PKNOX1: variants seen among roughly 807,000 people sequenced by gnomAD.
PKNOX1 encodes PBX/knotted 1 homeobox 1.
In PKNOX1, 15 loss-of-function variants were observed where a neutral mutation model predicts 51.9. The ratio of observed to expected loss-of-function variants is 0.29; its 90% CI spans 0.19 to 0.45. The LOEUF (loss-of-function observed/expected upper bound fraction) is 0.45, where lower values mean the gene tolerates loss of function less well. PKNOX1 is among the 20% of genes least tolerant of loss of function. The probability of loss-of-function intolerance (pLI) is 1.00; values close to 1 mark genes in which losing one functional copy is unlikely to be tolerated. For synonymous variants in PKNOX1, 219 were observed against 211.1 expected (o/e 1.04, Z -0.32); for missense variants, 462 against 547.5 (o/e 0.84, Z 1.56).
At chr21:42,987,409 A>ATATATATATCTATATATC (rs2059059426) in intron 1 of PKNOX1, among the ~76,000 whole-genome samples, 5 of 113,278 alleles carry the variant, frequency 4.4e-5, no homozygotes. Context: ...AAAAAAATAT[A>ATATATATATCTATATATC]TATATATATA....
intron 10 of PKNOX1, 51 bp downstream of exon 10, chr21:43,028,925 A>C (rs1331336685): frequency 6.3e-7 from 1 of 1,580,096 alleles, no homozygotes; most frequent in South Asian, 1.1e-5. Context: ...GGTGGGGATT[A>C]TGAACAAGAG....
chr21:42,976,021 G>C (rs1268309503), intron 1 of PKNOX1, among the ~76,000 whole-genome samples: 1 of 152,188 alleles, frequency 6.6e-6, no homozygotes, highest in Non-Finnish European at 1.5e-5. Flanking sequence ...ATGGCAGGCT[G>C]ACCCCAATGA....
intron 8 of PKNOX1, chr21:43,024,641 G>C (rs549707620): frequency 2.0e-6 from 1 of 491,432 alleles, no homozygotes; most frequent in Admixed American, 3.7e-5. Context: ...CGTTAAACGT[G>C]GGGGGCGGTC....
At chr21:43,014,582 C>G (rs951469100) in intron 5 of PKNOX1, among the ~76,000 whole-genome samples, 17 of 152,232 alleles carry the variant, frequency 1.1e-4, no homozygotes, top group Middle Eastern at 3.4e-3. Context: ...TTTGCCTAAC[C>G]CTAGGTCCCA....
chr21:42,995,567 A>T (rs1978464013), intron 1 of PKNOX1, among the ~76,000 whole-genome samples: 1 of 130,954 alleles, frequency 7.6e-6, no homozygotes, highest in Admixed American at 7.7e-5. Flanking sequence ...AGTTCTAGCT[A>T]CTCAAGAGAC....
chr21:42,986,731 AT>A (rs1458264281), intron 1 of PKNOX1, among the ~76,000 whole-genome samples: 2 of 152,122 alleles, frequency 1.3e-5, no homozygotes, highest in African/African-American at 4.8e-5. Flanking sequence ...TGGAGAAGGT[AT>A]TTTGGGAGGA....
At chr21:43,010,004 C>T (rs1368781337) in intron 3 of PKNOX1, 49 bp from the exon 4 acceptor site, 2 of 1,247,880 alleles carry the variant, frequency 1.6e-6, no homozygotes, top group African/African-American at 3.0e-5. Context: ...AAGACATTCT[C>T]ACGGAGATGT....
intron 1 of PKNOX1, among the ~76,000 whole-genome samples, chr21:42,982,897 C>A (rs1396041019): frequency 3.3e-5 from 5 of 152,010 alleles, no homozygotes. Context: ...GCAACCTCTG[C>A]CTCCCGGGTT....
At chr21:43,000,230 C>T (rs1978691237) in intron 1 of PKNOX1, among the ~76,000 whole-genome samples, 1 of 152,160 alleles carries the variant, frequency 6.6e-6, no homozygotes, top group African/African-American at 2.4e-5. Context: ...TTTTGGGTAT[C>T]TTTTCAGCAA....
At chr21:42,997,263 A>G (rs1978546672) in intron 1 of PKNOX1, among the ~76,000 whole-genome samples, 1 of 152,080 alleles carries the variant, frequency 6.6e-6, no homozygotes, top group African/African-American at 2.4e-5. Flanking sequence ...CATTTTCAAC[A>G]CTTCTCCACA....
intron 5 of PKNOX1, among the ~76,000 whole-genome samples, chr21:43,016,488 C>T (rs1979492993): frequency 6.6e-6 from 1 of 152,196 alleles, no homozygotes; most frequent in Non-Finnish European, 1.5e-5. Flanking sequence ...CCTCCCAGGC[C>T]TGTGCTATAA....
intron 3 of PKNOX1, among the ~76,000 whole-genome samples, chr21:43,008,792 A>T (rs921754463): frequency 1.8e-4 from 28 of 151,576 alleles, no homozygotes; most frequent in African/African-American, 4.8e-4. Flanking sequence ...AAAAAAAAAA[A>T]TTTTTTTTTA....
intron 1 of PKNOX1, among the ~76,000 whole-genome samples, chr21:42,979,183 G>A (rs886891199): frequency 2.0e-5 from 3 of 152,216 alleles, no homozygotes; most frequent in African/African-American, 7.2e-5. Context: ...CTTCCGAAGT[G>A]TTGGGATTAC....
rs191783666 is a variant in PKNOX1 at position 42,993,607 on chromosome 21, C to T, written c.-56-10719C>T. Among the ~76,000 whole-genome samples, 545 of 144,372 alleles carry T rather than the reference C, an allele frequency of 3.8e-3. 2 individuals carry two copies. Among genetic ancestry groups the T allele is most frequent in the Non-Finnish European group, 6.4e-3 (429 of 67,120 alleles). 94.7% of individuals were successfully genotyped at this position (144,372 alleles called of 152,430 possible). On this transcript the variant is annotated intron_variant, in intron 1 of 10. Transcript: ENST00000291547. The stretch of plus-strand genomic sequence containing the variant: ...CAAGTCTACTGCCTTATTTCTCCTG[C>T]TCCCTTGGCCTGTGGGTCTGTTCCT...
At chr21:42,999,729 T>A (rs1348940004) in intron 1 of PKNOX1, among the ~76,000 whole-genome samples, 1 of 152,198 alleles carries the variant, frequency 6.6e-6, no homozygotes, top group South Asian at 2.1e-4. Flanking sequence ...TCCTCCTGCC[T>A]CAGACTCCCA....
chr21:42,976,769 T>C (rs1315752820), intron 1 of PKNOX1, among the ~76,000 whole-genome samples: 2 of 152,224 alleles, frequency 1.3e-5, no homozygotes, highest in African/African-American at 4.8e-5. Flanking sequence ...TAGAATCAAC[T>C]TCTTCCAAAC....
chr21:43,013,038 C>T (rs1441920910), intron 4 of PKNOX1, 30 bp from the exon 5 acceptor site: 1 of 1,541,882 alleles, frequency 6.5e-7, no homozygotes, highest in South Asian at 1.2e-5. Context: ...CCACCTTTTT[C>T]TCTGAAAGTC....
intron 8 of PKNOX1, 76 bp from the exon 9 acceptor site, chr21:43,024,795 C>A: frequency 1.1e-6 from 1 of 888,988 alleles, no homozygotes; most frequent in Non-Finnish European, 1.9e-6. Context: ...TTATGTAATG[C>A]TCACATTTTG....
At chr21:42,986,412 A>C (rs1394922290) in intron 1 of PKNOX1, among the ~76,000 whole-genome samples, 1 of 152,120 alleles carries the variant, frequency 6.6e-6, no homozygotes, top group Non-Finnish European at 1.5e-5. Flanking sequence ...GAGGTAGGAG[A>C]ATCCCTTGAA....
Sources: gnomAD v4.1 joint callset for allele counts (sites outside exome capture counted in the v4.1 genomes callset) on GRCh38, gnomAD v4.1.1 for gene constraint, MANE v1.5 for transcripts, NCBI Gene and HGNC (gene_info 2026-07-23, HGNC 2026-07-21) for gene names.